Variants in PPFIBP2 observed in about 807,000 individuals in gnomAD.
PPFIBP2 encodes the protein PPFIB scaffold protein 2.
In PPFIBP2, 118 loss-of-function variants were observed where a neutral mutation model predicts 118.3. The observed-to-expected ratio is 1.00, with a 90% CI of 0.86 to 1.16. The LOEUF is 1.16. Ranked by LOEUF, PPFIBP2 falls within the 50% of genes most tolerant of loss-of-function variation. The pLI, the probability that PPFIBP2 is intolerant of heterozygous loss-of-function variation, is 0.00. For missense variants in PPFIBP2, 1,195 were observed against 1,073.1 expected (o/e 1.11, Z -1.59); for synonymous variants, 414 against 397.4 (o/e 1.04, Z -0.50).
At position 7,586,887 on chromosome 11, in the gene PPFIBP2, A is replaced by G. The variant is rs144414719; in HGVS notation, c.280-6245A>G. ...TTTGTACAGCTGTGTCTGACATGTA[A>G]TTCTTTCGACATAACTTCTTAAACA... On this transcript the variant is annotated intron_variant, in intron 3 of 23. Transcript: ENST00000299492. Among the ~76,000 whole-genome samples the G allele has an allele frequency of 2.0e-3, 307 of 152,290 alleles. 1 individual carries two copies. The highest frequency in any genetic ancestry group is 7.1e-3 in the African/African-American group (297 of 41,566).
chr11:7,649,758 A>T, intron 21 of PPFIBP2, 104 bp downstream of exon 21: 1 of 1,493,142 alleles, frequency 6.7e-7, no homozygotes, highest in Non-Finnish European at 9.1e-7. Context: ...TGTTTTTTGC[A>T]CCATGGTGCC....
At chr11:7,549,608 A>AC in intron 2 of PPFIBP2, 69 bp downstream of exon 2, 3 of 1,047,398 alleles carry the variant, frequency 2.9e-6, no homozygotes, top group Non-Finnish European at 3.7e-6. Flanking sequence ...CTCTCCTTTT[A>AC]CTTTTTTTTT....
intron 8 of PPFIBP2, among the ~76,000 whole-genome samples, chr11:7,627,522 C>T (rs924269484): frequency 6.6e-6 from 1 of 152,002 alleles, no homozygotes; most frequent in Non-Finnish European, 1.5e-5. Flanking sequence ...TTTGAACAAT[C>T]TAGCTATGTG....
intron 3 of PPFIBP2, chr11:7,576,322 CTTTGATAAT>C (rs1856311561): frequency 6.6e-6 from 1 of 152,332 alleles, no homozygotes; most frequent in African/African-American, 2.4e-5. Context: ...TCAAAGGTCA[CTTTGATAAT>C]CAGCCATAGC....
At chr11:7,649,471 C>A in intron 20 of PPFIBP2, 61 bp from the exon 21 acceptor site, 2 of 1,601,860 alleles carry the variant, frequency 1.2e-6, no homozygotes, top group Non-Finnish European at 1.7e-6. Flanking sequence ...TGGTGAGGGA[C>A]ATCAGGGGTC....
At chr11:7,537,544 C>T (rs1397226251) in intron 1 of PPFIBP2, among the ~76,000 whole-genome samples, 2 of 152,248 alleles carry the variant, frequency 1.3e-5, no homozygotes, top group Non-Finnish European at 2.9e-5. Context: ...TGGCTCTTCA[C>T]ATCTTAGCCT....
chr11:7,661,138 T>G (rs1208235546), downstream of PPFIBP2, among the ~76,000 whole-genome samples: 1 of 151,700 alleles, frequency 6.6e-6, no homozygotes, highest in African/African-American at 2.4e-5. Context: ...TTTTTGTGTC[T>G]CTATTTCCTT....
intron 8 of PPFIBP2, among the ~76,000 whole-genome samples, chr11:7,626,379 G>T (rs1285148703): frequency 1.3e-5 from 2 of 152,208 alleles, no homozygotes; most frequent in East Asian, 1.9e-4. Context: ...TTACTTCTCA[G>T]AAAGACCTTT....
chr11:7,526,654 C>T (rs1157988469), intron 1 of PPFIBP2, among the ~76,000 whole-genome samples: 1 of 152,068 alleles, frequency 6.6e-6, no homozygotes, highest in Non-Finnish European at 1.5e-5. Context: ...GGGCAGATCA[C>T]GAGGTCAGGA....
At chr11:7,583,364 T>C (rs1857556740) in intron 3 of PPFIBP2, among the ~76,000 whole-genome samples, 1 of 152,182 alleles carries the variant, frequency 6.6e-6, no homozygotes, top group Admixed American at 6.5e-5. Context: ...CTCTAAAGCC[T>C]CCAGGGGAGC....
intron 3 of PPFIBP2, among the ~76,000 whole-genome samples, chr11:7,570,970 C>A (rs1426964069): frequency 2.0e-5 from 3 of 152,192 alleles, no homozygotes; most frequent in African/African-American, 7.2e-5. Context: ...TCAGTCTTGA[C>A]CTCTTGGGTT....
chr11:7,568,457 G>GT (rs1855261201), intron 3 of PPFIBP2, among the ~76,000 whole-genome samples: 2 of 152,162 alleles, frequency 1.3e-5, no homozygotes, highest in Admixed American at 1.3e-4. Context: ...TCTTTAGTAT[G>GT]TTTTTGTTGT....
At chr11:7,664,320 C>G in the PPFIBP2 span, among the ~76,000 whole-genome samples, 1 of 152,132 alleles carries the variant, frequency 6.6e-6, no homozygotes, top group East Asian at 1.9e-4. Flanking sequence ...CTTGAAACAG[C>G]CCAGTACAAC....
At chr11:7,547,582 A>T (rs1481123009) in intron 1 of PPFIBP2, among the ~76,000 whole-genome samples, 2 of 152,062 alleles carry the variant, frequency 1.3e-5, no homozygotes, top group East Asian at 3.9e-4. Flanking sequence ...ATCCTGGCCA[A>T]AGCTGGCCTC....
chr11:7,623,975 G>A (rs1306575292), intron 7 of PPFIBP2, among the ~76,000 whole-genome samples: 2 of 152,220 alleles, frequency 1.3e-5, no homozygotes, highest in Non-Finnish European at 2.9e-5. Flanking sequence ...GCAGGACCCA[G>A]CTCTTGGCCT....
chr11:7,524,198 G>T (rs987754550), intron 1 of PPFIBP2, among the ~76,000 whole-genome samples: 1 of 152,026 alleles, frequency 6.6e-6, no homozygotes. Context: ...GGACAAGGGG[G>T]ACAGAGAGGG....
intron 1 of PPFIBP2, among the ~76,000 whole-genome samples, chr11:7,535,991 G>A (rs1387809984): frequency 6.6e-6 from 1 of 152,210 alleles, no homozygotes; most frequent in Non-Finnish European, 1.5e-5. Flanking sequence ...CCACTGATGA[G>A]ATGCCAAAGA....
At chr11:7,656,525 C>A (rs1034759597), downstream of PPFIBP2, among the ~76,000 whole-genome samples, 2 of 152,208 alleles carry the variant, frequency 1.3e-5, no homozygotes, top group African/African-American at 4.8e-5. Context: ...AAATTTATTT[C>A]TAAGATGAAC....
At chr11:7,575,521 A>G (rs982187874) in intron 3 of PPFIBP2, among the ~76,000 whole-genome samples, 3 of 152,180 alleles carry the variant, frequency 2.0e-5, no homozygotes, top group African/African-American at 7.2e-5. Flanking sequence ...ATTTTCCACC[A>G]TCCTGTAGAG....
Sources: gnomAD v4.1 joint callset for allele counts (sites outside exome capture counted in the v4.1 genomes callset) on GRCh38, gnomAD v4.1.1 for gene constraint, MANE v1.5 for transcripts, NCBI Gene and HGNC (gene_info 2026-07-23, HGNC 2026-07-21) for gene names.